Variants in WNT7B observed in about 807,000 individuals in gnomAD.
WNT7B encodes Wnt family member 7B.
A neutral mutation model predicts 38.2 loss-of-function variants in WNT7B; 19 were observed. The ratio of observed to expected loss-of-function variants is 0.50; its 90% CI spans 0.35 to 0.73. The LOEUF (loss-of-function observed/expected upper bound fraction) is 0.73. Ranked by LOEUF, WNT7B falls within the 30% of genes least tolerant of loss-of-function variation. The pLI is 0.01. For missense variants in WNT7B, 423 were observed against 507.9 expected, an observed-to-expected ratio of 0.83 and a Z score of 1.61; for synonymous variants, 243 against 209.3, an observed-to-expected ratio of 1.16 and a Z score of -1.39.
chr22:45,928,723 C>T (rs913482912), intron 3 of WNT7B, among the ~76,000 whole-genome samples: 35 of 152,174 alleles, frequency 2.3e-4, no homozygotes, highest in African/African-American at 8.0e-4. Flanking sequence ...TCACACAGCA[C>T]CCTAGAGCTA....
chr22:45,923,797 T>G (rs1438395258), intron 3 of WNT7B, among the ~76,000 whole-genome samples: 1 of 152,156 alleles, frequency 6.6e-6, no homozygotes, highest in African/African-American at 2.4e-5. Context: ...ACCCTCGAGC[T>G]TAGCGTAGGG....
At chr22:45,923,950 G>A (rs114437965) in intron 3 of WNT7B, among the ~76,000 whole-genome samples, 4,239 of 152,264 alleles carry the variant, frequency 0.028, 208 homozygotes, top group African/African-American at 0.096. Context: ...GCCCCGGCCC[G>A]CCCGCTGTTC....
intron 3 of WNT7B, among the ~76,000 whole-genome samples, chr22:45,930,122 T>A (rs559375680): frequency 1.2e-3 from 187 of 152,254 alleles, no homozygotes; most frequent in Non-Finnish European, 2.2e-3. Flanking sequence ...ACTCTGACAC[T>A]CTCCTACACA....
chr22:45,943,886 G>A (rs1183467907), intron 2 of WNT7B, among the ~76,000 whole-genome samples: 2 of 152,236 alleles, frequency 1.3e-5, no homozygotes, highest in Admixed American at 6.5e-5. Flanking sequence ...CTGTGAGGCC[G>A]AGGGAGGGGC....
chr22:45,948,145 C>T (rs919787019), intron 2 of WNT7B, among the ~76,000 whole-genome samples: 2 of 152,234 alleles, frequency 1.3e-5, no homozygotes, highest in African/African-American at 4.8e-5. Context: ...ACCACAACTC[C>T]CCGGGGGCTC....
rs1167196103 is a variant in WNT7B, at chr22:45,966,737, G to T, written c.71+9947C>A. Among the ~76,000 whole-genome samples the T allele has an allele frequency of 6.6e-6, 1 of 152,204 alleles. No individual in the cohort carries two copies. Among genetic ancestry groups the T allele is most frequent in the African/African-American group, 2.4e-5 (1 of 41,456 alleles). On this transcript the variant is annotated intron_variant, in intron 1 of 3. Transcript: ENST00000339464. The surrounding 1 kb of genome is among the most constrained non-coding windows in gnomAD (Gnocchi z 4.2). ...AGCTCCAGCACCTCAGCTGCCACCT[G>T]CTCCAGCCTGGGGATGGAGGAAGTG...
intron 3 of WNT7B, chr22:45,925,102 AC>A: frequency 1.1e-6 from 1 of 910,016 alleles, no homozygotes; most frequent in Non-Finnish European, 1.2e-6. Context: ...GCCCAAAGGC[AC>A]ATCAGATGAG....
rs531466140 is a variant in WNT7B, at chr22:45,975,703, G to A, written c.71+981C>T. 1.8e-6 allele frequency: 1 copy of A among 549,610 alleles called. No homozygotes were observed. Among genetic ancestry groups the A allele is most frequent in the East Asian group, 3.1e-5 (1 of 31,766 alleles). The allele number at this position is 549,610 out of a possible 1,614,324, so 34.0% of individuals were successfully genotyped here. A position where few individuals can be genotyped will look rare whatever the true frequency, so the allele number is the denominator to read the frequency against. On this transcript the variant is annotated intron_variant, in intron 1 of 3. Transcript: ENST00000339464. This position sits in a 1 kb window ranked among gnomAD's most constrained non-coding sequence, Gnocchi z 6.6. ...TCACCGCCTTGCCTGTGGCCTGGAC[G>A]GGGCTCGCCTCGGGGCAGCCGGCGG... is the stretch of plus-strand genomic sequence containing the variant.
intron 2 of WNT7B, among the ~76,000 whole-genome samples, chr22:45,940,993 T>C (rs1569115953): frequency 6.6e-6 from 1 of 152,204 alleles, no homozygotes. Context: ...AGAGAAGACC[T>C]TGGACTTTGT....
rs748523997 is a variant in WNT7B at position 45,929,685 on chromosome 22, CTTCCATCCACCCATCT to C, written c.570+1397_570+1412del. ...CCACCCGCCCATCCTTCCCTCCATA[CTTCCATCCACCCATCT>C]TTCCATCCACCCGTGAATCCACTCA... On this transcript the variant is annotated intron_variant, in intron 3 of 3. Coordinates refer to ENST00000339464, the MANE Select transcript of WNT7B (RefSeq NM_058238.3). Among the ~76,000 whole-genome samples, 62 of 111,884 alleles carry C rather than the reference CTTCCATCCACCCATCT, an allele frequency of 5.5e-4. 1 individual carries two copies. Among genetic ancestry groups the C allele is most frequent in the East Asian group, 1.6e-3 (6 of 3,684 alleles). 73.4% of individuals were successfully genotyped at this position (111,884 alleles called of 152,430 possible).
chr22:45,952,747 G>A (rs1026855835), intron 1 of WNT7B, among the ~76,000 whole-genome samples: 2 of 152,210 alleles, frequency 1.3e-5, no homozygotes, highest in Admixed American at 6.5e-5. Context: ...TCACTGCCAT[G>A]GCCAAAGCCC....
At chr22:45,958,980 C>A (rs1485424060) in intron 1 of WNT7B, among the ~76,000 whole-genome samples, 1 of 152,218 alleles carries the variant, frequency 6.6e-6, no homozygotes, top group African/African-American at 2.4e-5. Flanking sequence ...CACGGGCCCT[C>A]CCCGAACAGG....
rs1375751231 is a variant in WNT7B, at chr22:45,966,795, T to G, written c.71+9889A>C. Among the ~76,000 whole-genome samples, 2 of 152,190 alleles carry G rather than the reference T, an allele frequency of 1.3e-5. No individual in the cohort carries two copies. The highest frequency in any genetic ancestry group is 3.9e-4 in the East Asian group (2 of 5,186). ...CCCTGTGCCAAGCCTCACTTGCCACTCTACTACTGAGACTGTGGGATGGCC... is the reference window on the plus strand; with the variant it reads ...CCCTGTGCCAAGCCTCACTTGCCACGCTACTACTGAGACTGTGGGATGGCC... On this transcript the variant is annotated intron_variant, in intron 1 of 3. Coordinates refer to ENST00000339464, the MANE Select transcript of WNT7B (RefSeq NM_058238.3). The surrounding 1 kb of genome is among the most constrained non-coding windows in gnomAD (Gnocchi z 4.2).
chr22:45,931,605 G>GTTTCCCCCATCT (rs1380166537), intron 2 of WNT7B, among the ~76,000 whole-genome samples: 1 of 135,470 alleles, frequency 7.4e-6, no homozygotes, highest in African/African-American at 2.5e-5. Flanking sequence ...CCCTGTGAGT[G>GTTTCCCCCATCT]CCTGGTACAC....
At chr22:45,942,345 G>GC (rs1306427660) in intron 2 of WNT7B, among the ~76,000 whole-genome samples, 1 of 152,244 alleles carries the variant, frequency 6.6e-6, no homozygotes, top group Non-Finnish European at 1.5e-5. Context: ...ACCCCAGCCT[G>GC]CCCTTTGACC....
intron 3 of WNT7B, chr22:45,925,276 G>T: frequency 1.0e-6 from 1 of 985,398 alleles, no homozygotes; most frequent in Non-Finnish European, 1.2e-6. Flanking sequence ...GGTGCCGGGT[G>T]GGCCCTAGGC....
intron 1 of WNT7B, among the ~76,000 whole-genome samples, chr22:45,974,311 A>T (rs1444385167): frequency 6.6e-6 from 1 of 151,870 alleles, no homozygotes; most frequent in African/African-American, 2.4e-5. Context: ...TTGGTCCCAG[A>T]CTCCCCAACC....
chr22:45,923,208 T>C lies in WNT7B; in HGVS notation c.698A>G (p.Asn233Ser). Residue 233 changes from asparagine to serine, a missense_variant, in exon 4 of 4, where the codon AAC becomes AGC. By Grantham distance (46) the Asn-to-Ser change is conservative (BLOSUM62 1). This residue lies in a region of WNT7B where 158 missense variants were observed against 214.7 expected (regional missense o/e 0.74). Transcript: ENST00000339464. ...CACCACCTCCACCTGCACGGCCGCG[T>C]TGTACTTCTCCTTCAGCAGGTGGCC... The part of the protein sequence containing the change: ...EVGHLLKEKY[N>S]AAVQVEVVRA... The C allele has an allele frequency of 6.2e-7, 1 of 1,613,108 alleles. No homozygotes were observed. Among genetic ancestry groups the C allele is most frequent in the Non-Finnish European group, 8.5e-7 (1 of 1,179,994 alleles).
At chr22:45,972,284 G>T (rs1932463842) in intron 1 of WNT7B, 1 of 585,642 alleles carries the variant, frequency 1.7e-6, no homozygotes. Context: ...CGCGGGCCGG[G>T]CGCCTGGGCC....
Sources: allele counts gnomAD v4.1 joint callset (sites outside exome capture counted in the v4.1 genomes callset), GRCh38; gene constraint gnomAD v4.1.1; regional missense constraint gnomAD v4.1.1; non-coding constraint Gnocchi (gnomAD v3.1); transcripts MANE v1.5; gene names NCBI Gene and HGNC (gene_info 2026-07-23, HGNC 2026-07-21).